The following PRKAG2 variants were observed in gnomAD, a reference collection of about 807,000 sequenced individuals.
PRKAG2 encodes the protein protein kinase AMP-activated non-catalytic subunit gamma 2.
In PRKAG2, 26 loss-of-function variants were observed where a neutral mutation model predicts 69.6. That is an observed-to-expected ratio of 0.37 (90% CI 0.27 to 0.52). The LOEUF is 0.52. PRKAG2 is among the 20% of genes least tolerant of loss of function. The pLI, the probability that PRKAG2 is intolerant of heterozygous loss-of-function variation, is 0.90. For synonymous variants in PRKAG2, 293 were observed against 285.0 expected, an observed-to-expected ratio of 1.03 and a Z score of -0.28; for missense variants, 557 against 740.0, an observed-to-expected ratio of 0.75 and a Z score of 2.87.
intron 6 of PRKAG2, among the ~76,000 whole-genome samples, chr7:151,584,576 G>GA (rs757858110): frequency 3.3e-5 from 5 of 152,184 alleles, no homozygotes; most frequent in Non-Finnish European, 7.4e-5. Flanking sequence ...GCTGCTCACT[G>GA]AAGTTCCGGA....
At chr7:151,796,213 C>T (rs1354870207) in intron 1 of PRKAG2, among the ~76,000 whole-genome samples, 3 of 151,958 alleles carry the variant, frequency 2.0e-5, no homozygotes, top group South Asian at 4.2e-4. Flanking sequence ...TCTCAGCCTT[C>T]GCTGCATAGA....
intron 5 of PRKAG2, among the ~76,000 whole-genome samples, chr7:151,625,616 A>G (rs1266259702): frequency 3.3e-5 from 5 of 152,176 alleles, no homozygotes; most frequent in Non-Finnish European, 7.3e-5. Context: ...GGAAGATGAC[A>G]CTGGCCGGGA....
intron 1 of PRKAG2, among the ~76,000 whole-genome samples, chr7:151,868,616 G>C (rs1009266998): frequency 2.0e-5 from 3 of 152,238 alleles, no homozygotes; most frequent in Non-Finnish European, 1.5e-5. Context: ...CTGAAAGGAC[G>C]GCAGACAGCT....
intron 1 of PRKAG2, among the ~76,000 whole-genome samples, chr7:151,811,380 G>A (rs545937990): frequency 6.6e-6 from 1 of 152,344 alleles, no homozygotes; most frequent in East Asian, 1.9e-4. Flanking sequence ...TAGCCAGGGG[G>A]TGAACAGCAG....
chr7:151,559,211 G>T lies in PRKAG2; in HGVS notation c.1678+1313C>A, dbSNP rs151248947. ...ATGTTGCCTGTGAGATTCCTCCACT[G>T]TTGAATGCAGCTGTACTGTTCGTTT... On this transcript the variant is annotated intron_variant, in intron 15 of 15. Coordinates refer to ENST00000287878, the MANE Select transcript of PRKAG2 (RefSeq NM_016203.4). 26 of 970,252 alleles carry T rather than the reference G, an allele frequency of 2.7e-5. 1 individual carries two copies. In the East Asian group the frequency reaches 3.0e-3, roughly 111 times the overall value. The allele number at this position is 970,252 out of a possible 1,614,324, so 60.1% of individuals were successfully genotyped here. A position where few individuals can be genotyped will look rare whatever the true frequency, so the allele number is the denominator to read the frequency against.
chr7:151,830,409 AAGAGAGAGGCCGAGG>A (rs2078996957), intron 1 of PRKAG2, among the ~76,000 whole-genome samples: 1 of 151,864 alleles, frequency 6.6e-6, no homozygotes, highest in Non-Finnish European at 1.5e-5. Flanking sequence ...GCAGGCAGAG[AAGAGAGAGGCCGAGG>A]AGAGAAATAA....
At chr7:151,670,047 C>A (rs1352035646) in intron 4 of PRKAG2, among the ~76,000 whole-genome samples, 3 of 144,666 alleles carry the variant, frequency 2.1e-5, no homozygotes, top group Non-Finnish European at 4.5e-5. Context: ...TGCACACACA[C>A]CTGTGCACAT....
intron 5 of PRKAG2, among the ~76,000 whole-genome samples, chr7:151,622,884 C>G (rs1227793129): frequency 6.6e-6 from 1 of 152,148 alleles, no homozygotes; most frequent in Non-Finnish European, 1.5e-5. Flanking sequence ...CTGATGGAGA[C>G]TGTACTACAT....
At chr7:151,691,360 G>A (rs1453732897) in intron 3 of PRKAG2, among the ~76,000 whole-genome samples, 3 of 151,758 alleles carry the variant, frequency 2.0e-5, no homozygotes, top group Non-Finnish European at 4.4e-5. Context: ...TGAAGCTGAG[G>A]AGGTGAAACC....
intron 3 of PRKAG2, among the ~76,000 whole-genome samples, chr7:151,696,189 C>T (rs1233308335): frequency 6.6e-6 from 1 of 152,228 alleles, no homozygotes; most frequent in Non-Finnish European, 1.5e-5. Context: ...CTCCCTTCTC[C>T]TTATTCGTTA....
At chr7:151,722,358 G>A (rs893535307) in intron 3 of PRKAG2, among the ~76,000 whole-genome samples, 2 of 152,124 alleles carry the variant, frequency 1.3e-5, no homozygotes, top group African/African-American at 2.4e-5. Context: ...TTAGGAAAAG[G>A]GTAAATAAGT....
chr7:151,684,010 G>A lies in PRKAG2; in HGVS notation c.467-8373C>T, dbSNP rs183642568. ...TCTCCCCGCACGGCCCCTATTGCCCGCAGGTTTTACCTTCCACCCCTCATT... is the reference window on the plus strand; with the variant it reads ...TCTCCCCGCACGGCCCCTATTGCCCACAGGTTTTACCTTCCACCCCTCATT... On this transcript the variant is annotated intron_variant, in intron 3 of 15. Coordinates refer to ENST00000287878, the MANE Select transcript of PRKAG2 (RefSeq NM_016203.4). 5.3e-5 allele frequency among the ~76,000 whole-genome samples: 8 copies of A among 152,200 alleles called. No individual in the cohort carries two copies. In the South Asian group the frequency reaches 1.2e-3, roughly 24 times the overall value.
At chr7:151,806,063 C>G (rs2078085185) in intron 1 of PRKAG2, among the ~76,000 whole-genome samples, 1 of 152,222 alleles carries the variant, frequency 6.6e-6, no homozygotes, top group Non-Finnish European at 1.5e-5. Flanking sequence ...GTGGTGGCCG[C>G]CTGTAGTCCC....
At chr7:151,613,694 C>T (rs894581393) in intron 5 of PRKAG2, among the ~76,000 whole-genome samples, 13 of 151,246 alleles carry the variant, frequency 8.6e-5, no homozygotes, top group Admixed American at 4.6e-4. Flanking sequence ...GATGGGGTTT[C>T]GCCACGTTGG....
intron 1 of PRKAG2, among the ~76,000 whole-genome samples, chr7:151,794,559 G>A (rs927538628): frequency 1.3e-5 from 2 of 152,272 alleles, no homozygotes; most frequent in African/African-American, 4.8e-5. Flanking sequence ...TGATGATGAA[G>A]GCTGTGGGGA....
Position 151,776,954 on chromosome 7 carries a change from C to T in PRKAG2, c.466+4198G>A, listed in dbSNP as rs950464522. Among the ~76,000 whole-genome samples the T allele has an allele frequency of 8.5e-5, 13 of 152,294 alleles. 1 individual carries two copies. The highest frequency in any genetic ancestry group is 6.2e-4 in the South Asian group (3 of 4,826). ...GAGCCCCAGCCTCATCCCCAGGACC[C>T]CTTGGGTGCTGGACACTGCCGGGGT... On this transcript the variant is annotated intron_variant, in intron 3 of 15. Transcript: ENST00000287878.
intron 3 of PRKAG2, among the ~76,000 whole-genome samples, chr7:151,746,309 C>A (rs1179877666): frequency 2.0e-5 from 3 of 152,198 alleles, no homozygotes; most frequent in African/African-American, 7.2e-5. Flanking sequence ...GAGGGCTGAG[C>A]TGAAGTTTGC....
At chr7:151,703,696 TC>T (rs1838098613) in intron 3 of PRKAG2, among the ~76,000 whole-genome samples, 1 of 152,056 alleles carries the variant, frequency 6.6e-6, no homozygotes. Context: ...TCATCATCAT[TC>T]TTTTTCTATT....
At chr7:151,735,900 C>T (rs532285751) in intron 3 of PRKAG2, 8 of 1,536,246 alleles carry the variant, frequency 5.2e-6, no homozygotes, top group African/African-American at 2.7e-5. Context: ...AGAGTCCTAC[C>T]GAAAAGGCCA....
Sources: gnomAD v4.1 joint callset for allele counts (sites outside exome capture counted in the v4.1 genomes callset) on GRCh38, gnomAD v4.1.1 for gene constraint, MANE v1.5 for transcripts, NCBI Gene and HGNC (gene_info 2026-07-23, HGNC 2026-07-21) for gene names.